ACVR1: variants seen among roughly 807,000 people sequenced by gnomAD.
ACVR1 encodes the protein activin receptor type-1.
In ACVR1, 38 loss-of-function variants were observed where a neutral mutation model predicts 57.1. The ratio of observed to expected loss-of-function variants is 0.67; its 90% CI spans 0.51 to 0.87. The LOEUF (loss-of-function observed/expected upper bound fraction) is 0.87. ACVR1 is among the 40% of genes least tolerant of loss of function. The pLI, the probability that ACVR1 is intolerant of heterozygous loss-of-function variation, is 0.00. For missense variants in ACVR1, 463 were observed against 638.2 expected (o/e 0.73, Z 2.96); for synonymous variants, 212 against 228.1 (o/e 0.93, Z 0.63).
intron 1 of ACVR1, among the ~76,000 whole-genome samples, chr2:157,852,058 G>A (rs1414356400): frequency 1.3e-5 from 2 of 152,078 alleles, no homozygotes; most frequent in Non-Finnish European, 2.9e-5. Flanking sequence ...TTTTTAAAAT[G>A]CTTCCTCAGG....
chr2:157,873,399 A>C (rs10188607), intron 1 of ACVR1, among the ~76,000 whole-genome samples: 2,057 of 152,312 alleles, frequency 0.014, 45 homozygotes, highest in African/African-American at 0.047. Context: ...CAGCACCCCT[A>C]AACTATCCTG....
chr2:157,785,827 A>G (rs554972054), intron 3 of ACVR1, among the ~76,000 whole-genome samples: 62 of 152,298 alleles, frequency 4.1e-4, no homozygotes, highest in African/African-American at 1.5e-3. Context: ...TCTTCCGCCA[A>G]TGTTCCCTGC....
At chr2:157,769,771 A>C (rs2105265643) in intron 7 of ACVR1, among the ~76,000 whole-genome samples, 1 of 152,330 alleles carries the variant, frequency 6.6e-6, no homozygotes, top group African/African-American at 2.4e-5. Flanking sequence ...CTTTTCAAAA[A>C]TACAGAAGTC....
chr2:157,774,737 T>A (rs1352895821), intron 5 of ACVR1, among the ~76,000 whole-genome samples: 2 of 152,210 alleles, frequency 1.3e-5, no homozygotes, highest in Non-Finnish European at 2.9e-5. Flanking sequence ...TCCCGAAGGA[T>A]AAGTAGTCCT....
intron 8 of ACVR1, among the ~76,000 whole-genome samples, chr2:157,761,680 C>T (rs536592511): frequency 6.6e-6 from 1 of 152,218 alleles, no homozygotes; most frequent in Non-Finnish European, 1.5e-5. Flanking sequence ...AAGCACAACT[C>T]TCAGGTTAAA....
chr2:157,854,722 C>CAA (rs34911478), intron 1 of ACVR1, among the ~76,000 whole-genome samples: 55 of 84,848 alleles, frequency 6.5e-4, no homozygotes, highest in African/African-American at 2.1e-3. Flanking sequence ...GACTCCGTCT[C>CAA]AAAAAAAAAA....
intron 4 of ACVR1, among the ~76,000 whole-genome samples, chr2:157,779,381 C>T (rs549758946): frequency 6.6e-6 from 1 of 152,102 alleles, no homozygotes; most frequent in African/African-American, 2.4e-5. Flanking sequence ...CCTTTAAAAC[C>T]CTCTTTGATT....
chr2:157,829,665 G>A (rs1404665271), intron 1 of ACVR1, among the ~76,000 whole-genome samples: 3 of 152,132 alleles, frequency 2.0e-5, no homozygotes, highest in Admixed American at 2.0e-4. Context: ...GCACTTGTCT[G>A]CCTGAAATGT....
chr2:157,798,531 G>C (rs540535695), intron 3 of ACVR1, among the ~76,000 whole-genome samples: 2 of 115,986 alleles, frequency 1.7e-5, no homozygotes, highest in East Asian at 6.2e-4. Context: ...TGGAGGGGGT[G>C]GGGGGTGGGG....
chr2:157,762,507 C>G (rs768592818), intron 8 of ACVR1, among the ~76,000 whole-genome samples: 5 of 152,102 alleles, frequency 3.3e-5, no homozygotes, highest in African/African-American at 1.2e-4. Context: ...CAGAACCAAA[C>G]AGTCAAAATA....
chr2:157,837,036 C>G (rs940084017), intron 1 of ACVR1, among the ~76,000 whole-genome samples: 1 of 152,172 alleles, frequency 6.6e-6, no homozygotes, highest in African/African-American at 2.4e-5. Context: ...ACGTTTCTCT[C>G]GCCTGTAAAA....
intron 1 of ACVR1, among the ~76,000 whole-genome samples, chr2:157,868,484 CA>C (rs11287777): frequency 0.88 from 123,684 of 140,080 alleles, 55,106 homozygotes; most frequent in Non-Finnish European, 0.95. Flanking sequence ...GACTCCATCT[CA>C]AAAAAAAAAA....
At chr2:157,749,207 G>A (rs1685084393) in intron 9 of ACVR1, among the ~76,000 whole-genome samples, 1 of 152,178 alleles carries the variant, frequency 6.6e-6, no homozygotes, top group Admixed American at 6.5e-5. Flanking sequence ...TATACTTAGT[G>A]CTTTCAGAAT....
At chr2:157,863,472 G>A (rs910573950) in intron 1 of ACVR1, among the ~76,000 whole-genome samples, 25 of 141,890 alleles carry the variant, frequency 1.8e-4, no homozygotes, top group African/African-American at 4.8e-4. Flanking sequence ...CGAGGCCAGC[G>A]GATCACCTGT....
chr2:157,764,742 A>G (rs569173626), intron 8 of ACVR1, among the ~76,000 whole-genome samples: 2 of 152,268 alleles, frequency 1.3e-5, no homozygotes, highest in African/African-American at 4.8e-5. Context: ...CCTGGCTCTA[A>G]GAGCCATGGA....
chr2:157,802,747 C>G (rs1205070085), intron 2 of ACVR1, among the ~76,000 whole-genome samples: 1 of 152,184 alleles, frequency 6.6e-6, no homozygotes, highest in African/African-American at 2.4e-5. Context: ...TCATACAAAT[C>G]ATCCTAATTA....
intron 1 of ACVR1, among the ~76,000 whole-genome samples, chr2:157,847,490 C>T (rs148371649): frequency 3.9e-5 from 6 of 152,244 alleles, no homozygotes; most frequent in South Asian, 4.2e-4. Flanking sequence ...ACATCAGAAA[C>T]GATGTTTTTA....
rs1278430564 is a variant in ACVR1 at position 157,778,303 on chromosome 2, A to G, written c.371T>C (p.Val124Ala). Reference sequence around the variant, plus strand: ...CACTACAGAGAGAATAATGAGGCCAACCTCCAAGTGGAAATTCTGTGTTCC... The same window carrying G: ...CACTACAGAGAGAATAATGAGGCCAGCCTCCAAGTGGAAATTCTGTGTTCC... ...FPGTQNFHLE[V>A]GLIILSVVFA... The change falls in exon 5 of 11, where the codon GTT becomes GCT. Residue 124 changes from valine (V) to alanine (A), a missense_variant. Transcript: ENST00000434821. The G allele has an allele frequency of 2.5e-6, 4 of 1,613,060 alleles. No homozygotes were observed. Among genetic ancestry groups the G allele is most frequent in the Admixed American group, 1.7e-5 (1 of 59,906 alleles).
chr2:157,876,266 G>A lies in ACVR1; in HGVS notation c.-653C>T, dbSNP rs1690297541. Reference sequence around the variant, plus strand: ...GGGGGCGGCGGGGGAGACCGTCACAGAGAGTAGAAAAGTTCCCCCTGCGCC... The same window carrying A: ...GGGGGCGGCGGGGGAGACCGTCACAAAGAGTAGAAAAGTTCCCCCTGCGCC... On this transcript the variant is annotated 5_prime_UTR_variant, in exon 1 of 11. Coordinates refer to ENST00000434821, the MANE Select transcript of ACVR1 (RefSeq NM_001111067.4). Among the ~76,000 whole-genome samples the A allele has an allele frequency of 6.7e-6, 1 of 148,706 alleles. No homozygotes were observed. The highest frequency in any genetic ancestry group is 6.6e-5 in the Admixed American group (1 of 15,066).
Sources: allele counts gnomAD v4.1 joint callset (sites outside exome capture counted in the v4.1 genomes callset), GRCh38; gene constraint gnomAD v4.1.1; transcripts MANE v1.5; gene names NCBI Gene and HGNC (gene_info 2026-07-23, HGNC 2026-07-21).